DDX46: variants seen among roughly 807,000 people sequenced by gnomAD.
DDX46 encodes DEAD-box helicase 46.
In DDX46, 30 loss-of-function variants were observed where a neutral mutation model predicts 134.9. That is an observed-to-expected ratio of 0.22 (90% confidence interval 0.17 to 0.30). The LOEUF (loss-of-function observed/expected upper bound fraction) is 0.30. DDX46 is among the 10% of genes least tolerant of loss of function. DDX46 has a pLI of 1.00. For missense variants in DDX46, 622 were observed against 1,248.7 expected (o/e 0.50, Z 7.56); for synonymous variants, 415 against 404.1 (o/e 1.03, Z -0.32).
intron 14 of DDX46, 140 bp from the exon 15 acceptor site, chr5:134,795,847 TA>T: frequency 1.3e-6 from 1 of 796,778 alleles, no homozygotes; most frequent in African/African-American, 1.7e-5. Context: ...CATTTACAAT[TA>T]AAATCAACAT....
At chr5:134,773,514 A>T (rs926778878) in intron 4 of DDX46, among the ~76,000 whole-genome samples, 182 bp from the exon 5 acceptor site, 2 of 152,092 alleles carry the variant, frequency 1.3e-5, no homozygotes, top group Non-Finnish European at 2.9e-5. Context: ...TTGGTAATAT[A>T]TTTGTGTGTA....
At chr5:134,790,669 AAT>A in intron 13 of DDX46, 117 bp downstream of exon 13, 1 of 826,972 alleles carries the variant, frequency 1.2e-6, no homozygotes, top group Non-Finnish European at 1.9e-6. Flanking sequence ...GTTGCACGGT[AAT>A]ACAGAAGACT....
At chr5:134,827,544 A>T (rs1561877830) in intron 22 of DDX46, among the ~76,000 whole-genome samples, 2 of 152,216 alleles carry the variant, frequency 1.3e-5, no homozygotes, top group African/African-American at 4.8e-5. Context: ...AAGTGCTGGG[A>T]TTACAGGCGT....
In DDX46 at chr5:134,803,807, C is replaced by T. The variant is rs138304374; in HGVS notation, c.1955-3941C>T. 4.1e-4 allele frequency among the ~76,000 whole-genome samples: 62 copies of T among 151,924 alleles called. No homozygotes were observed. The East Asian group carries it at 9.7e-3, about 24-fold the overall frequency. ...TTTATATAGTAAGGAAGTTGTTTCC[C>T]GTAATACTTGTCTTTAATACTCCTT... On this transcript the variant is annotated intron_variant, in intron 15 of 22. Coordinates refer to ENST00000452510, the MANE Select transcript of DDX46 (RefSeq NM_001300860.2).
At chr5:134,773,012 G>T (rs190488171) in intron 4 of DDX46, among the ~76,000 whole-genome samples, 3 of 151,942 alleles carry the variant, frequency 2.0e-5, no homozygotes, top group Non-Finnish European at 4.4e-5. Context: ...GTTGGCCAGG[G>T]TGGTTTCCAA....
intron 19 of DDX46, chr5:134,817,206 T>G (rs796381364): frequency 3.1e-6 from 1 of 325,622 alleles, no homozygotes; most frequent in Admixed American, 4.7e-5. Context: ...AAATATTTAC[T>G]GTGTCTGACA....
intron 18 of DDX46, among the ~76,000 whole-genome samples, chr5:134,816,035 C>T (rs1020074960): frequency 6.6e-6 from 1 of 152,152 alleles, no homozygotes; most frequent in African/African-American, 2.4e-5. Flanking sequence ...CAGCCTGTTT[C>T]ATTGCAGTAT....
chr5:134,784,346 C>G lies in DDX46; in HGVS notation c.1167-20C>G, dbSNP rs1020688295. On this transcript the variant is annotated intron_variant, in intron 9 of 22. Coordinates refer to ENST00000452510, the MANE Select transcript of DDX46 (RefSeq NM_001300860.2). The stretch of plus-strand genomic sequence containing the variant: ...GCAATCTCAATTCTTACCTTTTCTT[C>G]CTTTGGTTTTCTTTTTAAGGCATGG... 9 of 1,584,400 alleles carry G rather than the reference C, an allele frequency of 5.7e-6. No homozygotes were observed. The Admixed American group carries it at 1.1e-4, about 20-fold the overall frequency.
chr5:134,762,782 C>T (rs543629662), intron 1 of DDX46, among the ~76,000 whole-genome samples: 5 of 149,866 alleles, frequency 3.3e-5, no homozygotes, highest in Non-Finnish European at 7.4e-5. Flanking sequence ...AGTGGCCGGG[C>T]GCAGTGGCCC....
At chr5:134,813,185 C>T (rs750851271) in intron 18 of DDX46, among the ~76,000 whole-genome samples, 3 of 152,164 alleles carry the variant, frequency 2.0e-5, no homozygotes, top group Admixed American at 6.5e-5. Context: ...CTTCGTGATC[C>T]GCCTGCCTCG....
chr5:134,821,593 C>T (rs1319116258), intron 21 of DDX46, among the ~76,000 whole-genome samples: 2 of 147,656 alleles, frequency 1.4e-5, no homozygotes, highest in African/African-American at 2.5e-5. Context: ...AATGCAGCGG[C>T]GCAATTTCGG....
intron 11 of DDX46, among the ~76,000 whole-genome samples, chr5:134,785,860 CT>C (rs1416952378): frequency 1.4e-5 from 2 of 139,918 alleles, no homozygotes; most frequent in Non-Finnish European, 3.1e-5. Context: ...TTTTTTTTTT[CT>C]TTTTTGAGAT....
At chr5:134,782,807 C>T (rs1450889164) in intron 8 of DDX46, 138 bp from the exon 9 acceptor site, 11 of 1,050,028 alleles carry the variant, frequency 1.0e-5, no homozygotes, top group Non-Finnish European at 1.4e-5. Context: ...TCCCAAAGTG[C>T]TAGTTGCTAG....
chr5:134,817,348 C>A (rs1755312229), intron 19 of DDX46, 148 bp from the exon 20 acceptor site: 1 of 709,524 alleles, frequency 1.4e-6, no homozygotes, highest in South Asian at 2.1e-5. Context: ...TGCTAAATCA[C>A]ACATATCAAT....
intron 15 of DDX46, among the ~76,000 whole-genome samples, chr5:134,797,569 G>T (rs1346069146): frequency 6.6e-6 from 1 of 152,198 alleles, no homozygotes; most frequent in Non-Finnish European, 1.5e-5. Context: ...TGATACTGGA[G>T]TTGGCAGAGC....
At chr5:134,808,028 A>G (rs1216727281) in intron 16 of DDX46, 87 bp downstream of exon 16, 1 of 1,229,590 alleles carries the variant, frequency 8.1e-7, no homozygotes, top group African/African-American at 1.5e-5. Flanking sequence ...AATAGGAGTT[A>G]TGGAGACATT....
intron 1 of DDX46, among the ~76,000 whole-genome samples, chr5:134,762,400 A>G (rs1157135279): frequency 2.0e-5 from 3 of 152,154 alleles, no homozygotes; most frequent in Non-Finnish European, 2.9e-5. Context: ...CCTGGGTGAC[A>G]GAGTGAGACC....
chr5:134,759,042 G>A (rs1753293280), intron 1 of DDX46, 87 bp downstream of exon 1: 6 of 1,562,876 alleles, frequency 3.8e-6, no homozygotes, highest in Non-Finnish European at 5.2e-6. Flanking sequence ...CGCCGGGCCA[G>A]GCCTGGCGCG....
chr5:134,810,535 G>A (rs1755112891), intron 16 of DDX46, among the ~76,000 whole-genome samples: 1 of 150,946 alleles, frequency 6.6e-6, no homozygotes, highest in Non-Finnish European at 1.5e-5. Context: ...TAGAGATGGG[G>A]TTTCACCATG....
Sources: allele counts gnomAD v4.1 joint callset (sites outside exome capture counted in the v4.1 genomes callset), GRCh38; gene constraint gnomAD v4.1.1; transcripts MANE v1.5; gene names NCBI Gene and HGNC (gene_info 2026-07-23, HGNC 2026-07-21).